Variants in CENPW observed in about 807,000 individuals in gnomAD.
The protein encoded by CENPW is centromere protein W.
Under a neutral mutation model 11.1 loss-of-function variants are expected in CENPW, and 3 were observed. That is an observed-to-expected ratio of 0.27 (90% CI 0.12 to 0.70). The LOEUF is 0.70. CENPW is among the 30% of genes least tolerant of loss of function. The pLI is 0.77. For missense variants in CENPW, 100 were observed against 105.6 expected (o/e 0.95, Z 0.23); for synonymous variants, 38 against 42.0 (o/e 0.91, Z 0.37).
chr6:126,461,854 T>C, the CENPW span, among the ~76,000 whole-genome samples: 8 of 152,046 alleles, frequency 5.3e-5, no homozygotes, highest in Non-Finnish European at 1.0e-4. Flanking sequence ...AATTATAAAA[T>C]TAGAAGGCCC....
the CENPW span, among the ~76,000 whole-genome samples, chr6:126,443,207 A>G: frequency 2.0e-5 from 3 of 151,260 alleles, no homozygotes; most frequent in Non-Finnish European, 4.4e-5. Flanking sequence ...CAAAGTATAC[A>G]TATTACAATT....
chr6:126,431,618 G>A, the CENPW span, among the ~76,000 whole-genome samples: 1 of 152,134 alleles, frequency 6.6e-6, no homozygotes, highest in African/African-American at 2.4e-5. Context: ...CACACTACTT[G>A]CTGTAGGTGG....
chr6:126,468,141 C>A, the CENPW span, among the ~76,000 whole-genome samples: 1 of 151,994 alleles, frequency 6.6e-6, no homozygotes, highest in Non-Finnish European at 1.5e-5. Context: ...TAACTTGGGC[C>A]CGGTGCTCTG....
At chr6:126,406,415 G>A in the CENPW span, among the ~76,000 whole-genome samples, 17 of 151,842 alleles carry the variant, frequency 1.1e-4, no homozygotes, top group East Asian at 1.9e-4. Context: ...TCTTTCATGC[G>A]TATCTGTGTT....
At chr6:126,475,793 G>A in the CENPW span, among the ~76,000 whole-genome samples, 2 of 151,954 alleles carry the variant, frequency 1.3e-5, no homozygotes, top group African/African-American at 4.8e-5. Flanking sequence ...TATTATATAT[G>A]TGTTTATAAT....
the CENPW span, among the ~76,000 whole-genome samples, chr6:126,442,662 T>C: frequency 6.6e-6 from 1 of 151,302 alleles, no homozygotes; most frequent in African/African-American, 2.4e-5. Flanking sequence ...AAAAAGATAG[T>C]CAAATCTGGC....
At chr6:126,355,348 CT>C in the CENPW span, among the ~76,000 whole-genome samples, 1 of 152,042 alleles carries the variant, frequency 6.6e-6, no homozygotes, top group South Asian at 2.1e-4. Flanking sequence ...GTATTTTTGA[CT>C]CTAAAATGTT....
the CENPW span, among the ~76,000 whole-genome samples, chr6:126,408,065 G>C: frequency 2.0e-5 from 3 of 152,074 alleles, no homozygotes; most frequent in Non-Finnish European, 2.9e-5. Context: ...ATAGTTTTGG[G>C]TTTAACAAGC....
At chr6:126,459,053 T>A in the CENPW span, among the ~76,000 whole-genome samples, 1 of 131,280 alleles carries the variant, frequency 7.6e-6, no homozygotes, top group Non-Finnish European at 1.7e-5. Flanking sequence ...TTATTATCTG[T>A]ACCATAATTT....
At chr6:126,415,603 A>G in the CENPW span, among the ~76,000 whole-genome samples, 3 of 152,164 alleles carry the variant, frequency 2.0e-5, no homozygotes, top group South Asian at 4.1e-4. Context: ...TTGAATTCCC[A>G]TGTATTGTGG....
At chr6:126,479,428 C>A in the CENPW span, among the ~76,000 whole-genome samples, 1 of 152,072 alleles carries the variant, frequency 6.6e-6, no homozygotes, top group East Asian at 1.9e-4. Context: ...TCTTCACCTT[C>A]TTTCCATCAA....
the CENPW span, among the ~76,000 whole-genome samples, chr6:126,476,416 G>A: frequency 1.3e-5 from 2 of 151,910 alleles, no homozygotes; most frequent in Admixed American, 1.3e-4. Flanking sequence ...TGAAAATCAT[G>A]AGAAAATCAT....
intron 2 of CENPW, among the ~76,000 whole-genome samples, chr6:126,347,535 T>A (rs961335586): frequency 2.6e-5 from 4 of 152,152 alleles, no homozygotes; most frequent in Non-Finnish European, 5.9e-5. Context: ...GTACCCATGA[T>A]AATTATCTTG....
At chr6:126,403,368 C>T in the CENPW span, among the ~76,000 whole-genome samples, 2 of 152,198 alleles carry the variant, frequency 1.3e-5, no homozygotes, top group East Asian at 1.9e-4. Flanking sequence ...GCCTCTTGCA[C>T]TAAATAGCCA....
At chr6:126,459,479 T>C in the CENPW span, among the ~76,000 whole-genome samples, 5 of 151,658 alleles carry the variant, frequency 3.3e-5, no homozygotes, top group Non-Finnish European at 7.4e-5. Context: ...ATAGTTAATG[T>C]ATTTAAGGCA....
chr6:126,358,106 G>A, the CENPW span, among the ~76,000 whole-genome samples: 2 of 152,156 alleles, frequency 1.3e-5, no homozygotes, highest in Admixed American at 6.5e-5. Context: ...ACTTATAGGA[G>A]CCTTTTGGTG....
the CENPW span, among the ~76,000 whole-genome samples, chr6:126,450,103 C>G: frequency 6.6e-6 from 1 of 151,056 alleles, no homozygotes; most frequent in Non-Finnish European, 1.5e-5. Flanking sequence ...TTTAAAGACA[C>G]TGATAGTTAA....
the CENPW span, among the ~76,000 whole-genome samples, chr6:126,413,789 C>G: frequency 6.6e-6 from 1 of 151,866 alleles, no homozygotes; most frequent in Non-Finnish European, 1.5e-5. Context: ...CACCAGAATA[C>G]AACAGATGAT....
At chr6:126,364,344 T>C in the CENPW span, among the ~76,000 whole-genome samples, 1 of 152,198 alleles carries the variant, frequency 6.6e-6, no homozygotes, top group African/African-American at 2.4e-5. Flanking sequence ...ATGCAGATCA[T>C]AATTTAGGCT....
Sources: gnomAD v4.1 joint callset for allele counts (sites outside exome capture counted in the v4.1 genomes callset) on GRCh38, gnomAD v4.1.1 for gene constraint, MANE v1.5 for transcripts, NCBI Gene and HGNC (gene_info 2026-07-23, HGNC 2026-07-21) for gene names.